Variants in TPH2 observed in about 807,000 individuals in gnomAD.
TPH2 encodes tryptophan 5-hydroxylase 2.
In TPH2, 27 loss-of-function variants were observed where a neutral mutation model predicts 59.1. That is an observed-to-expected ratio of 0.46 (90% confidence interval 0.34 to 0.63). The LOEUF is 0.63. Ranked by LOEUF, TPH2 falls within the 30% of genes least tolerant of loss-of-function variation. The probability of loss-of-function intolerance (pLI) is 0.01; values close to 1 mark genes in which losing one functional copy is unlikely to be tolerated. For synonymous variants in TPH2, 220 were observed against 210.5 expected (o/e 1.05, Z -0.39); for missense variants, 523 against 588.3 (o/e 0.89, Z 1.15).
At chr12:71,994,616 G>T in intron 8 of TPH2, 51 bp downstream of exon 8, 1 of 1,607,350 alleles carries the variant, frequency 6.2e-7, no homozygotes, top group East Asian at 2.2e-5. Flanking sequence ...CATTTGTAAG[G>T]TAAAGAAAGC....
At chr12:71,984,877 G>C (rs1190868446) in intron 7 of TPH2, among the ~76,000 whole-genome samples, 1 of 152,188 alleles carries the variant, frequency 6.6e-6, no homozygotes, top group East Asian at 1.9e-4. Flanking sequence ...TCCGGTTTGG[G>C]CTATACCGAG....
intron 8 of TPH2, among the ~76,000 whole-genome samples, 164 bp from the exon 9 acceptor site, chr12:72,022,235 C>T (rs1238555682): frequency 1.3e-5 from 2 of 152,084 alleles, no homozygotes; most frequent in Non-Finnish European, 2.9e-5. Context: ...GGAGAGAATA[C>T]TGAGCAAGAG....
chr12:71,969,955 A>G (rs140281579), intron 5 of TPH2, among the ~76,000 whole-genome samples: 20 of 152,344 alleles, frequency 1.3e-4, no homozygotes, highest in Non-Finnish European at 2.4e-4. Context: ...GGGCCAATTC[A>G]TATAAAAACA....
At chr12:72,016,097 G>T (rs146008643) in intron 8 of TPH2, among the ~76,000 whole-genome samples, 1 of 152,076 alleles carries the variant, frequency 6.6e-6, no homozygotes, top group East Asian at 1.9e-4. Flanking sequence ...TTTTGGAACC[G>T]GGCAAACCAC....
At chr12:71,969,305 A>G (rs1227796751) in intron 5 of TPH2, among the ~76,000 whole-genome samples, 1 of 152,124 alleles carries the variant, frequency 6.6e-6, no homozygotes, top group African/African-American at 2.4e-5. Flanking sequence ...AAGATACATA[A>G]TGATATACAA....
chr12:71,970,646 G>A (rs1000880745), intron 5 of TPH2, among the ~76,000 whole-genome samples: 1 of 152,218 alleles, frequency 6.6e-6, no homozygotes, highest in Non-Finnish European at 1.5e-5. Flanking sequence ...GGAACCAGAG[G>A]CAGACCATTT....
intron 8 of TPH2, among the ~76,000 whole-genome samples, chr12:72,013,547 A>G (rs1438375511): frequency 2.0e-5 from 3 of 152,034 alleles, no homozygotes; most frequent in Non-Finnish European, 4.4e-5. Context: ...CTAAGATCCC[A>G]TTTCTCCTTC....
intron 2 of TPH2, among the ~76,000 whole-genome samples, chr12:71,943,577 A>G (rs1434991379): frequency 6.6e-6 from 1 of 152,184 alleles, no homozygotes; most frequent in Non-Finnish European, 1.5e-5. Flanking sequence ...AAAAGAGAGC[A>G]ATTATTAAAT....
chr12:71,964,620 G>A lies in TPH2; in HGVS notation c.609-7899G>A, dbSNP rs1031661354. 1.6e-5 allele frequency: 16 copies of A among 985,062 alleles called. No individual in the cohort carries two copies. In the African/African-American group the frequency reaches 1.9e-4, roughly 12 times the overall value. The allele number at this position is 985,062 out of a possible 1,614,324, so 61.0% of individuals were successfully genotyped here. A position where few individuals can be genotyped will look rare whatever the true frequency, so the allele number is the denominator to read the frequency against. On this transcript the variant is annotated intron_variant, in intron 5 of 10. Transcript: ENST00000333850. ...CAGGTGATACTATTTCATGAAGGTG[G>A]TACCAACTAATATAGTACTAGGTAA...
chr12:71,976,728 A>G (rs1411308420), intron 6 of TPH2, among the ~76,000 whole-genome samples: 1 of 152,222 alleles, frequency 6.6e-6, no homozygotes, highest in Non-Finnish European at 1.5e-5. Flanking sequence ...GGTTATTTCC[A>G]GCAGGTACCA....
chr12:71,961,423 C>A (rs557084434), intron 5 of TPH2: 2 of 740,228 alleles, frequency 2.7e-6, no homozygotes, highest in East Asian at 1.3e-4. Flanking sequence ...AGGATAATCA[C>A]GCTTCTTCAT....
At chr12:71,950,407 G>A (rs182631473) in intron 5 of TPH2, among the ~76,000 whole-genome samples, 2 of 152,250 alleles carry the variant, frequency 1.3e-5, no homozygotes, top group African/African-American at 2.4e-5. Context: ...TACAGTCAAA[G>A]GGGGGTTGTT....
At chr12:72,026,320 T>G (rs1188932136) in intron 9 of TPH2, among the ~76,000 whole-genome samples, 6 of 152,176 alleles carry the variant, frequency 3.9e-5, no homozygotes, top group Admixed American at 3.9e-4. Context: ...TTACTTATTA[T>G]TTTTTGGCTT....
Position 71,938,884 on chromosome 12 carries a change from A to C in TPH2, c.-103A>C. 1.0e-6 allele frequency: 1 copy of C among 979,092 alleles called. No homozygotes were observed. The highest frequency in any genetic ancestry group is 1.6e-6 in the Non-Finnish European group (1 of 611,936). The allele number at this position is 979,092 out of a possible 1,614,324, so 60.7% of individuals were successfully genotyped here. ...CACCAGGGTTCTGGACAGCGCCCCA[A>C]GCAGGCAGCTGATCGCACGCCCCTT... On this transcript the variant is annotated 5_prime_UTR_variant, in exon 1 of 11. Coordinates refer to ENST00000333850, the MANE Select transcript of TPH2 (RefSeq NM_173353.4).
At chr12:72,002,310 C>A (rs944805274) in intron 8 of TPH2, among the ~76,000 whole-genome samples, 4 of 151,990 alleles carry the variant, frequency 2.6e-5, no homozygotes, top group Non-Finnish European at 5.9e-5. Context: ...TCACAGGTGT[C>A]ACTGGATGAG....
At chr12:71,967,738 C>T (rs762065210) in intron 5 of TPH2, among the ~76,000 whole-genome samples, 7 of 152,090 alleles carry the variant, frequency 4.6e-5, no homozygotes, top group Non-Finnish European at 8.8e-5. Flanking sequence ...TTATTTTTCC[C>T]ACTCTTTACT....
chr12:72,031,233 A>C, intron 9 of TPH2, 25 bp from the exon 10 acceptor site: 2 of 1,613,098 alleles, frequency 1.2e-6, no homozygotes, highest in Non-Finnish European at 1.7e-6. Flanking sequence ...ACAGAGTTTA[A>C]CAGGTTTTGT....
intron 9 of TPH2, among the ~76,000 whole-genome samples, chr12:72,027,263 T>G (rs1026760585): frequency 6.6e-6 from 1 of 152,100 alleles, no homozygotes; most frequent in African/African-American, 2.4e-5. Context: ...TCTCTACGGG[T>G]TTCAGACCCC....
intron 8 of TPH2, among the ~76,000 whole-genome samples, chr12:72,017,340 C>G (rs1290734264): frequency 6.6e-6 from 1 of 152,196 alleles, no homozygotes; most frequent in Non-Finnish European, 1.5e-5. Context: ...TTCAGATTGT[C>G]ACTCAGACTT....
Sources: gnomAD v4.1 joint callset for allele counts (sites outside exome capture counted in the v4.1 genomes callset) on GRCh38, gnomAD v4.1.1 for gene constraint, MANE v1.5 for transcripts, NCBI Gene and HGNC (gene_info 2026-07-23, HGNC 2026-07-21) for gene names.